The following ZNF536 variants were observed in gnomAD, a reference collection of about 807,000 sequenced individuals.
ZNF536 encodes the protein zinc finger protein 536.
ZNF536 carries 13 observed loss-of-function variants against 84.5 expected under a neutral mutation model. The ratio of observed to expected loss-of-function variants is 0.15; its 90% confidence interval spans 0.10 to 0.24. ZNF536 has a LOEUF of 0.24. Ranked by LOEUF, ZNF536 falls within the 10% of genes least tolerant of loss-of-function variation. ZNF536 has a pLI of 1.00. For missense variants in ZNF536, 1,536 were observed against 1,747.5 expected (o/e 0.88, Z 2.16); for synonymous variants, 811 against 742.5 (o/e 1.09, Z -1.50).
At chr19:30,562,933 G>A (rs1241058741), downstream of ZNF536, among the ~76,000 whole-genome samples, 3 of 152,104 alleles carry the variant, frequency 2.0e-5, no homozygotes, top group Non-Finnish European at 2.9e-5. Context: ...AAAGCTTTTT[G>A]CTTTCAATTG....
intron 1 of ZNF536, among the ~76,000 whole-genome samples, chr19:30,645,351 G>A (rs868798205): frequency 2.0e-5 from 3 of 152,140 alleles, no homozygotes; most frequent in African/African-American, 4.8e-5. Flanking sequence ...TTCTTTTGCT[G>A]TGCAGAAGCT....
intron 1 of ZNF536, among the ~76,000 whole-genome samples, chr19:30,627,344 A>G (rs2048718278): frequency 6.6e-6 from 1 of 151,826 alleles, no homozygotes; most frequent in African/African-American, 2.4e-5. Flanking sequence ...AGTGGTACAC[A>G]TCTGTAGTCC....
chr19:30,458,278 C>A lies in ZNF536; in HGVS notation c.2170+12546C>A, dbSNP rs552351516. Among the ~76,000 whole-genome samples, 389 of 151,978 alleles carry A rather than the reference C, an allele frequency of 2.6e-3. 3 individuals are homozygous for A. The highest frequency in any genetic ancestry group is 5.6e-3 in the South Asian group (27 of 4,794). On this transcript the variant is annotated intron_variant, in intron 2 of 4. Coordinates refer to ENST00000355537, the MANE Select transcript of ZNF536 (RefSeq NM_014717.3). ...GGAAGTGTAGAAGATTCGGAGACGCCTCTCAGCTTCCATTTTTCCTTCATC... is the reference window on the plus strand; with the variant it reads ...GGAAGTGTAGAAGATTCGGAGACGCATCTCAGCTTCCATTTTTCCTTCATC...
intron 2 of ZNF536, among the ~76,000 whole-genome samples, chr19:30,480,239 C>T (rs983674163): frequency 6.6e-6 from 1 of 152,124 alleles, no homozygotes; most frequent in Non-Finnish European, 1.5e-5. Flanking sequence ...CCATCTCAGG[C>T]TCCCGTGGGT....
At chr19:30,260,194 A>ACTTGAATT (rs1337791413) in intron 1 of ZNF536, among the ~76,000 whole-genome samples, 1 of 152,192 alleles carries the variant, frequency 6.6e-6, no homozygotes, top group Non-Finnish European at 1.5e-5. Flanking sequence ...TTTATTTTAG[A>ACTTGAATT]CTTGAATTCT....
chr19:30,365,895 T>C (rs909974545), intron 3 of ZNF536, among the ~76,000 whole-genome samples: 1 of 152,212 alleles, frequency 6.6e-6, no homozygotes, highest in Admixed American at 6.5e-5. Context: ...ATTTTTCATA[T>C]GAAACATCAG....
intron 1 of ZNF536, among the ~76,000 whole-genome samples, chr19:30,442,393 C>T (rs1326048831): frequency 1.3e-5 from 2 of 152,210 alleles, no homozygotes; most frequent in Non-Finnish European, 2.9e-5. Context: ...TAATTTTCTG[C>T]AAAACACATA....
At chr19:30,502,931 G>C (rs777188513) in intron 2 of ZNF536, among the ~76,000 whole-genome samples, 9 of 152,120 alleles carry the variant, frequency 5.9e-5, no homozygotes, top group Non-Finnish European at 1.3e-4. Flanking sequence ...GAAACACAGG[G>C]AGACCTAAAA....
At chr19:30,471,572 G>A (rs1270599434) in intron 2 of ZNF536, among the ~76,000 whole-genome samples, 1 of 152,224 alleles carries the variant, frequency 6.6e-6, no homozygotes. Context: ...GAGAGAGAAG[G>A]CCTGTGCCAG....
chr19:30,432,335 G>C (rs1043763895), intron 1 of ZNF536, among the ~76,000 whole-genome samples: 1 of 152,058 alleles, frequency 6.6e-6, no homozygotes, highest in African/African-American at 2.4e-5. Context: ...CTTTCCATAG[G>C]GTGGGATTCT....
chr19:30,244,800 A>G (rs998571261), intron 1 of ZNF536, among the ~76,000 whole-genome samples: 1 of 152,204 alleles, frequency 6.6e-6, no homozygotes, highest in African/African-American at 2.4e-5. Flanking sequence ...AGGAGTTGCA[A>G]GGAGGGCAGC....
downstream of ZNF536, among the ~76,000 whole-genome samples, chr19:30,560,118 C>A (rs1033412328): frequency 6.6e-6 from 1 of 151,960 alleles, no homozygotes; most frequent in Non-Finnish European, 1.5e-5. Flanking sequence ...GGGAATATCC[C>A]GTCTTCTGCC....
chr19:30,521,277 G>T (rs892730783), intron 2 of ZNF536, among the ~76,000 whole-genome samples: 4 of 152,234 alleles, frequency 2.6e-5, no homozygotes, highest in Non-Finnish European at 5.9e-5. Flanking sequence ...GGCCATCTCT[G>T]TGCATGTCTG....
chr19:30,693,975 C>A (rs1027586228), intron 1 of ZNF536, among the ~76,000 whole-genome samples: 1 of 152,186 alleles, frequency 6.6e-6, no homozygotes, highest in African/African-American at 2.4e-5. Flanking sequence ...TGCTCTGCAA[C>A]CCATATGGCC....
intron 1 of ZNF536, among the ~76,000 whole-genome samples, chr19:30,568,465 A>C (rs146624858): frequency 6.4e-4 from 97 of 152,374 alleles, no homozygotes; most frequent in African/African-American, 2.0e-3. Context: ...TCTTTACATT[A>C]AACTTTTTAC....
At chr19:30,692,324 C>A (rs1217872106) in intron 1 of ZNF536, among the ~76,000 whole-genome samples, 1 of 152,190 alleles carries the variant, frequency 6.6e-6, no homozygotes, top group Non-Finnish European at 1.5e-5. Context: ...GCAAATTAAT[C>A]AAATTTTTTT....
rs149183779 is a variant in ZNF536, at chr19:30,685,195, T to C, written c.170-25562T>C. On this transcript the variant is annotated intron_variant, in intron 1 of 1. Transcript: ENST00000592773. Reference sequence around the variant, plus strand: ...GTTTGGGTGTGTCCCATCTGAGCCCTTGGGGTCTCTGGATTTTCTGCTCTG... The same window carrying C: ...GTTTGGGTGTGTCCCATCTGAGCCCCTGGGGTCTCTGGATTTTCTGCTCTG... Among the ~76,000 whole-genome samples, 1,055 of 152,294 alleles carry C rather than the reference T, an allele frequency of 6.9e-3. 12 individuals carry two copies. The highest frequency in any genetic ancestry group is 0.024 in the African/African-American group (1,010 of 41,570).
At chr19:30,361,492 C>G (rs1283782848) in intron 3 of ZNF536, among the ~76,000 whole-genome samples, 4 of 151,648 alleles carry the variant, frequency 2.6e-5, no homozygotes, top group Admixed American at 2.6e-4. Context: ...AATGAGGGTC[C>G]AATTGTTAGA....
In ZNF536 at chr19:30,659,200, C is replaced by T. The variant is rs370837507; in HGVS notation, c.170-51557C>T. Among the ~76,000 whole-genome samples, 10 of 152,308 alleles carry T rather than the reference C, an allele frequency of 6.6e-5. No homozygotes were observed. The East Asian group carries it at 1.2e-3, about 18-fold the overall frequency. On this transcript the variant is annotated intron_variant, in intron 1 of 1. Transcript: ENST00000592773. ...TTTATTTGGCTCACAGTTCTGCAGA[C>T]TGTACAGGAAGCATGGCTGGGGAGG...
Sources: allele counts gnomAD v4.1 joint callset (sites outside exome capture counted in the v4.1 genomes callset), GRCh38; gene constraint gnomAD v4.1.1; transcripts MANE v1.5; gene names NCBI Gene and HGNC (gene_info 2026-07-23, HGNC 2026-07-21).